Variants in CD226 observed in about 807,000 individuals in gnomAD.
CD226 encodes CD226 antigen.
CD226 carries 24 observed loss-of-function variants against 34.9 expected under a neutral mutation model. The ratio of observed to expected loss-of-function variants is 0.69; its 90% CI spans 0.50 to 0.97. The LOEUF (loss-of-function observed/expected upper bound fraction) is 0.97. Ranked by LOEUF, CD226 falls within the 50% of genes least tolerant of loss-of-function variation. The probability of loss-of-function intolerance (pLI) is 0.00; values close to 1 mark genes in which losing one functional copy is unlikely to be tolerated. For missense variants in CD226, 397 were observed against 412.7 expected, an observed-to-expected ratio of 0.96 and a Z score of 0.33; for synonymous variants, 148 against 147.4, an observed-to-expected ratio of 1.00 and a Z score of -0.03.
intron 2 of CD226, among the ~76,000 whole-genome samples, chr18:69,908,797 T>C (rs546026832): frequency 1.3e-5 from 2 of 152,362 alleles, no homozygotes; most frequent in South Asian, 4.1e-4. Flanking sequence ...TCTCATCTCC[T>C]ACTAGAATCT....
At chr18:69,917,783 A>C (rs2055403666) in intron 2 of CD226, among the ~76,000 whole-genome samples, 1 of 152,068 alleles carries the variant, frequency 6.6e-6, no homozygotes, top group African/African-American at 2.4e-5. Flanking sequence ...ACAAGGGGGG[A>C]GTCATTGAAA....
At chr18:69,899,245 C>T (rs531301721) in intron 2 of CD226, among the ~76,000 whole-genome samples, 2 of 152,284 alleles carry the variant, frequency 1.3e-5, no homozygotes, top group African/African-American at 4.8e-5. Flanking sequence ...TGCCCACTAG[C>T]GCCTCCCTGG....
chr18:69,867,242 T>A (rs550166276), intron 5 of CD226, 115 bp downstream of exon 5: 5 of 678,458 alleles, frequency 7.4e-6, no homozygotes, highest in African/African-American at 5.3e-5. Flanking sequence ...TACAGGCAAC[T>A]GCATGGTCAG....
intron 3 of CD226, among the ~76,000 whole-genome samples, chr18:69,880,320 AAAAGAAAGAGAG>A (rs1328788791): frequency 8.3e-6 from 1 of 121,032 alleles, no homozygotes; most frequent in African/African-American, 3.4e-5. Context: ...GAAAGAAAGA[AAAAGAAAGAGAG>A]AAAGAAAGAA....
In CD226 at chr18:69,856,189, G is replaced by T. The variant is rs1599361153; in HGVS notation, c.*8125C>A. ...CAGAAAAAGCAGACAGAACAAGAAA[G>T]ATTATCAAGAATAAAAGGGACATTA... On this transcript the variant is annotated 3_prime_UTR_variant, in exon 6 of 6. Coordinates refer to ENST00000582621, the MANE Select transcript of CD226 (RefSeq NM_001303618.2). The T allele has an allele frequency of 6.6e-6, 1 of 152,188 alleles. No individual in the cohort carries two copies. Among genetic ancestry groups the T allele is most frequent in the East Asian group, 1.9e-4 (1 of 5,186 alleles). The allele number at this position is 152,188 out of a possible 1,614,324, so 9.4% of individuals were successfully genotyped here.
intron 1 of CD226, among the ~76,000 whole-genome samples, chr18:69,955,129 C>T (rs565227527): frequency 7.6e-5 from 11 of 145,524 alleles, no homozygotes; most frequent in Admixed American, 2.0e-4. Context: ...TGGGTGGGGA[C>T]GGGGAACACT....
At chr18:69,896,277 G>A (rs1005043856) in intron 2 of CD226, 2 of 412,354 alleles carry the variant, frequency 4.9e-6, no homozygotes, top group Non-Finnish European at 6.5e-6. Context: ...CACCTCCCAG[G>A]TTCACGCCAT....
At chr18:69,958,206 G>C (rs775494677), upstream of CD226, among the ~76,000 whole-genome samples, 8 of 152,076 alleles carry the variant, frequency 5.3e-5, no homozygotes, top group African/African-American at 1.2e-4. Context: ...TTTTACTAGA[G>C]CCTGACAGGC....
Position 69,946,787 on chromosome 18 carries a change from A to C in CD226, c.329T>G (p.Leu110Arg). ...CCAAGTTCCCTGTGGGTAAGTGTAA[A>C]GAGAGCAGGAATAGTAGCCAACATC... Reference protein sequence around the residue: ...EDDVGYYSCSLYTYPQGTWQK... With the variant: ...EDDVGYYSCSRYTYPQGTWQK... The change falls in exon 2 of 6, where the codon CTT (leucine) becomes CGT (arginine). Residue 110 changes from leucine to arginine, a missense_variant. Transcript: ENST00000582621. The C allele has an allele frequency of 3.7e-6, 6 of 1,614,182 alleles. No homozygotes were observed. Among genetic ancestry groups the C allele is most frequent in the Non-Finnish European group, 5.1e-6 (6 of 1,180,024 alleles).
upstream of CD226, among the ~76,000 whole-genome samples, chr18:69,960,165 G>C (rs965264437): frequency 2.0e-5 from 3 of 151,734 alleles, no homozygotes; most frequent in Non-Finnish European, 4.4e-5. Flanking sequence ...ACTTGAACCT[G>C]GGAGGCAGTG....
upstream of CD226, among the ~76,000 whole-genome samples, chr18:69,951,324 T>C (rs548861154): frequency 6.6e-6 from 1 of 152,222 alleles, no homozygotes; most frequent in African/African-American, 2.4e-5. Flanking sequence ...AACTATGGCC[T>C]GAGTTGGCCC....
intron 3 of CD226, among the ~76,000 whole-genome samples, chr18:69,876,050 C>T (rs1213793257): frequency 1.3e-5 from 2 of 152,112 alleles, no homozygotes; most frequent in Non-Finnish European, 2.9e-5. Context: ...CAAATAATCA[C>T]ACTGTATGCC....
At chr18:69,900,821 T>C (rs2055172822) in intron 2 of CD226, among the ~76,000 whole-genome samples, 1 of 152,166 alleles carries the variant, frequency 6.6e-6, no homozygotes, top group Non-Finnish European at 1.5e-5. Flanking sequence ...TGCAATTCAT[T>C]TGCACTCAAT....
At chr18:69,894,815 T>C (rs530012558) in intron 3 of CD226, among the ~76,000 whole-genome samples, 3 of 152,058 alleles carry the variant, frequency 2.0e-5, no homozygotes, top group Middle Eastern at 3.4e-3. Context: ...GACCTCTATA[T>C]GGGCCTCTCT....
In CD226 at chr18:69,857,066, GGC is replaced by G. The variant is rs1982632440; in HGVS notation, c.*7246_*7247del. Reference sequence around the variant, plus strand: ...CGCCTGAAGTCCCAGCTACTCGGGAGGCTGAGGCAGGAGAATGGCGTGAACCT... The same window carrying G: ...CGCCTGAAGTCCCAGCTACTCGGGAGTGAGGCAGGAGAATGGCGTGAACCT... On this transcript the variant is annotated 3_prime_UTR_variant, in exon 6 of 6. Transcript: ENST00000582621. 6.6e-6 allele frequency: 1 copy of G among 152,302 alleles called. No homozygotes were observed. Among genetic ancestry groups the G allele is most frequent in the Admixed American group, 6.5e-5 (1 of 15,286 alleles). The allele number at this position is 152,302 out of a possible 1,614,324, so 9.4% of individuals were successfully genotyped here.
At chr18:69,958,828 C>T (rs2055916143), upstream of CD226, among the ~76,000 whole-genome samples, 1 of 144,736 alleles carries the variant, frequency 6.9e-6, no homozygotes, top group South Asian at 2.3e-4. Flanking sequence ...CACACACACA[C>T]ATCCTTCTCC....
intron 2 of CD226, among the ~76,000 whole-genome samples, chr18:69,918,129 T>C (rs964903794): frequency 6.6e-6 from 1 of 152,204 alleles, no homozygotes; most frequent in Non-Finnish European, 1.5e-5. Flanking sequence ...TTGTAAAATA[T>C]GTGTGAGGCA....
At position 69,860,864 on chromosome 18, in the gene CD226, C is replaced by T. The variant is rs1452135201; in HGVS notation, c.*3450G>A. On this transcript the variant is annotated 3_prime_UTR_variant, in exon 6 of 6. Transcript: ENST00000582621. ...ACTCACAATTTAGCGTCTCCACTTA[C>T]ACTTTATAAGCATCTTTATAATATC... is the stretch of plus-strand genomic sequence containing the variant. 1 of 152,060 alleles carries T rather than the reference C, an allele frequency of 6.6e-6. No individual in the cohort carries two copies. The highest frequency in any genetic ancestry group is 1.5e-5 in the Non-Finnish European group (1 of 67,962). The allele number at this position is 152,060 out of a possible 1,614,324, so 9.4% of individuals were successfully genotyped here. A position where few individuals can be genotyped will look rare whatever the true frequency, so the allele number is the denominator to read the frequency against.
chr18:69,920,703 T>C (rs1444279757), intron 2 of CD226, among the ~76,000 whole-genome samples: 3 of 152,220 alleles, frequency 2.0e-5, no homozygotes, highest in African/African-American at 4.8e-5. Flanking sequence ...GGATGTTTAT[T>C]GAATCTCACC....
Sources: allele counts gnomAD v4.1 joint callset (sites outside exome capture counted in the v4.1 genomes callset), GRCh38; gene constraint gnomAD v4.1.1; transcripts MANE v1.5; gene names NCBI Gene and HGNC (gene_info 2026-07-23, HGNC 2026-07-21).